Variants in NUP98 observed in about 807,000 individuals in gnomAD.
The protein encoded by NUP98 is nuclear pore complex protein Nup98-Nup96.
NUP98 carries 26 observed loss-of-function variants against 191.9 expected under a neutral mutation model. The ratio of observed to expected loss-of-function variants is 0.14; its 90% CI spans 0.10 to 0.19. NUP98 has a LOEUF of 0.19. NUP98 is among the 10% of genes least tolerant of loss of function. The pLI is 1.00. For missense variants in NUP98, 1,941 were observed against 2,178.8 expected (o/e 0.89, Z 2.17); for synonymous variants, 808 against 778.4 (o/e 1.04, Z -0.63).
chr11:3,702,631 A>C lies in NUP98; in HGVS notation c.3344T>G (p.Leu1115Trp), dbSNP rs748325619. The change falls in exon 23 of 33, where the codon TTG becomes TGG. Residue 1115 changes from leucine to tryptophan, a missense_variant. Leu to Trp is a moderately conservative substitution (Grantham distance 61). This residue lies in a region of NUP98 where 1,030 missense variants were observed against 1,115.8 expected (regional missense o/e 0.92). Coordinates refer to ENST00000324932, the MANE Select transcript of NUP98 (RefSeq NM_016320.5). ...TCCCATGAATAGGGCCATGTCCATC[A>C]AGAGTTTTCCCTTGCCATAGGTGAC... ...KSVTYGKGKLLMDMALFMGRS... is the reference protein window; with the variant it reads ...KSVTYGKGKLWMDMALFMGRS... The C allele has an allele frequency of 3.7e-6, 6 of 1,614,012 alleles. No homozygotes were observed. Among genetic ancestry groups the C allele is most frequent in the Non-Finnish European group, 5.1e-6 (6 of 1,180,024 alleles).
At chr11:3,712,117 C>T (rs2079037679) in intron 20 of NUP98, 7 of 1,057,150 alleles carry the variant, frequency 6.6e-6, no homozygotes, top group Non-Finnish European at 6.9e-6. Context: ...TATAAGCAAA[C>T]AACTTTAAAA....
chr11:3,698,725 CA>C (rs549214359), intron 25 of NUP98, among the ~76,000 whole-genome samples: 936 of 35,742 alleles, frequency 0.026, 5 homozygotes, highest in African/African-American at 0.071. Context: ...GAAACTGTCT[CA>C]AAAAAAAAAA....
intron 28 of NUP98, 44 bp from the exon 29 acceptor site, chr11:3,686,238 G>A (rs757293239): frequency 1.4e-5 from 22 of 1,548,514 alleles, no homozygotes; most frequent in Middle Eastern, 1.7e-4. Context: ...GCCAGGAGAC[G>A]GCCTGGACTG....
chr11:3,754,819 A>T (rs954354721), intron 10 of NUP98, among the ~76,000 whole-genome samples: 1 of 151,672 alleles, frequency 6.6e-6, no homozygotes, highest in Admixed American at 6.6e-5. Flanking sequence ...GTGCACACCC[A>T]GAATCCCAAC....
At chr11:3,745,354 A>G (rs1339034059) in intron 11 of NUP98, among the ~76,000 whole-genome samples, 2 of 152,178 alleles carry the variant, frequency 1.3e-5, no homozygotes, top group Non-Finnish European at 2.9e-5. Flanking sequence ...CAAAAAGCTC[A>G]ACGTCTTCTG....
chr11:3,699,863 C>CTAAAA (rs1223763653), intron 24 of NUP98, among the ~76,000 whole-genome samples: 1 of 152,128 alleles, frequency 6.6e-6, no homozygotes, highest in East Asian at 1.9e-4. Flanking sequence ...ACGTGATTTG[C>CTAAAA]TAAACAAAAT....
intron 2 of NUP98, among the ~76,000 whole-genome samples, chr11:3,779,806 A>C (rs895305312): frequency 3.3e-5 from 5 of 151,986 alleles, no homozygotes; most frequent in Non-Finnish European, 7.4e-5. Flanking sequence ...GTGACTTTTC[A>C]ATAAAAGTTA....
At chr11:3,773,876 AT>A in intron 5 of NUP98, 137 bp from the exon 6 acceptor site, 1 of 535,366 alleles carries the variant, frequency 1.9e-6, no homozygotes, top group Non-Finnish European at 3.3e-6. Flanking sequence ...AGGGTGCTTG[AT>A]TAAATATACT....
At chr11:3,767,804 G>A (rs913499627) in intron 8 of NUP98, among the ~76,000 whole-genome samples, 29 of 150,700 alleles carry the variant, frequency 1.9e-4, no homozygotes, top group African/African-American at 6.8e-4. Flanking sequence ...GCTCTAAGTC[G>A]TAGGTCTCCC....
chr11:3,794,718 G>A (rs1488162749), intron 1 of NUP98, among the ~76,000 whole-genome samples: 1 of 152,082 alleles, frequency 6.6e-6, no homozygotes, highest in Non-Finnish European at 1.5e-5. Context: ...AGGCTCTGAT[G>A]TTTCTTTGAT....
chr11:3,767,993 C>G (rs796205261), intron 8 of NUP98, among the ~76,000 whole-genome samples: 96 of 152,110 alleles, frequency 6.3e-4, no homozygotes, highest in African/African-American at 2.1e-3. Context: ...TTAAGAGGGC[C>G]AAGTCCAGCC....
At chr11:3,690,769 A>G (rs2078288339) in intron 28 of NUP98, among the ~76,000 whole-genome samples, 1 of 152,232 alleles carries the variant, frequency 6.6e-6, no homozygotes, top group Non-Finnish European at 1.5e-5. Context: ...AGATTTATCA[A>G]TAATGGCCAA....
At chr11:3,762,787 T>C (rs1308286838) in intron 9 of NUP98, 115 bp downstream of exon 9, 2 of 1,021,380 alleles carry the variant, frequency 2.0e-6, no homozygotes, top group East Asian at 5.0e-5. Context: ...CATATTAGGC[T>C]GGTGCAATAA....
At position 3,774,450 on chromosome 11, in the gene NUP98, C is replaced by T. The variant is rs952163963; in HGVS notation, c.496-711G>A. On this transcript the variant is annotated intron_variant, in intron 5 of 32. Coordinates refer to ENST00000324932, the MANE Select transcript of NUP98 (RefSeq NM_016320.5). Reference sequence around the variant, plus strand: ...AACAAAAAAACAGAAACTGGCCAGGCGCAGTGGCTCACACCTGCAGTCCCA... The same window carrying T: ...AACAAAAAAACAGAAACTGGCCAGGTGCAGTGGCTCACACCTGCAGTCCCA... Among the ~76,000 whole-genome samples, 7 of 145,194 alleles carry T rather than the reference C, an allele frequency of 4.8e-5. No homozygotes were observed. In the South Asian group the frequency reaches 8.9e-4, roughly 18 times the overall value.
chr11:3,790,883 T>C (rs978434753), intron 1 of NUP98, among the ~76,000 whole-genome samples: 1 of 150,356 alleles, frequency 6.7e-6, no homozygotes, highest in African/African-American at 2.5e-5. Flanking sequence ...GTTTTTCTCA[T>C]GGAACACCAT....
chr11:3,705,148 G>A (rs1445038703), intron 22 of NUP98, 52 bp downstream of exon 22: 6 of 1,570,028 alleles, frequency 3.8e-6, no homozygotes, highest in African/African-American at 1.4e-5. Flanking sequence ...GTGAAAAGCA[G>A]GACTTGATGA....
rs746355325 is a variant in NUP98 at position 3,676,554 on chromosome 11, C to T, written c.5140G>A (p.Glu1714Lys). The change falls in exon 32 of 33, where the codon GAG becomes AAG. Residue 1714 changes from glutamate (E) to lysine (K), a missense_variant. Glu to Lys is a moderately conservative substitution (Grantham distance 56). Transcript: ENST00000324932. ...TTAGCACTGTAACACTGAATCTGCTCTATCCGACTGCACAGTGAAGTCACT... is the reference window on the plus strand; with the variant it reads ...TTAGCACTGTAACACTGAATCTGCTTTATCCGACTGCACAGTGAAGTCACT... Reference protein sequence around the residue: ...IKVTSLCSRIEQIQCYSAKDR... With the variant: ...IKVTSLCSRIKQIQCYSAKDR... The T allele has an allele frequency of 6.2e-6, 10 of 1,614,066 alleles. No homozygotes were observed. Among genetic ancestry groups the T allele is most frequent in the South Asian group, 2.2e-5 (2 of 91,088 alleles).
chr11:3,769,392 C>T (rs935317461), intron 7 of NUP98, among the ~76,000 whole-genome samples: 2 of 151,864 alleles, frequency 1.3e-5, no homozygotes, highest in Non-Finnish European at 1.5e-5. Context: ...AGCCACTGCA[C>T]GACAGCCTGG....
At chr11:3,758,408 A>G (rs981605841) in intron 10 of NUP98, among the ~76,000 whole-genome samples, 7 of 152,192 alleles carry the variant, frequency 4.6e-5, no homozygotes, top group African/African-American at 1.7e-4. Flanking sequence ...CAAACGGTCC[A>G]TGGGGAAGGG....
Sources: allele counts gnomAD v4.1 joint callset (sites outside exome capture counted in the v4.1 genomes callset), GRCh38; gene constraint gnomAD v4.1.1; regional missense constraint gnomAD v4.1.1; transcripts MANE v1.5; gene names NCBI Gene and HGNC (gene_info 2026-07-23, HGNC 2026-07-21).